MAPK10: variants seen among roughly 807,000 people sequenced by gnomAD.
MAPK10 encodes mitogen-activated protein kinase 10, also known as JNK3 alpha protein kinase.
A neutral mutation model predicts 59.3 loss-of-function variants in MAPK10; 25 were observed. The observed-to-expected ratio is 0.42, with a 90% confidence interval of 0.31 to 0.59. The LOEUF (loss-of-function observed/expected upper bound fraction) is 0.59. Ranked by LOEUF, MAPK10 falls within the 20% of genes least tolerant of loss-of-function variation. The pLI is 0.15. For synonymous variants in MAPK10, 190 were observed against 200.5 expected, an observed-to-expected ratio of 0.95 and a Z score of 0.44; for missense variants, 351 against 568.9, an observed-to-expected ratio of 0.62 and a Z score of 3.90.
intron 2 of MAPK10, among the ~76,000 whole-genome samples, chr4:86,291,972 T>C (rs1249829587): frequency 1.3e-5 from 2 of 152,186 alleles, no homozygotes; most frequent in Non-Finnish European, 2.9e-5. Context: ...AAAGGACCAT[T>C]ACATTGGACT....
chr4:86,264,069 G>T (rs1009337529), intron 2 of MAPK10, among the ~76,000 whole-genome samples: 1 of 152,038 alleles, frequency 6.6e-6, no homozygotes, highest in Non-Finnish European at 1.5e-5. Context: ...TAGTTACTGC[G>T]AATATAAAGA....
chr4:86,492,418 C>A (rs185919729), intron 1 of MAPK10, among the ~76,000 whole-genome samples: 1 of 152,260 alleles, frequency 6.6e-6, no homozygotes, highest in Admixed American at 6.5e-5. Context: ...ATTCTTCTTG[C>A]CAAATAAAAA....
At chr4:86,287,122 G>T (rs146539147) in intron 2 of MAPK10, among the ~76,000 whole-genome samples, 2 of 152,184 alleles carry the variant, frequency 1.3e-5, no homozygotes, top group East Asian at 3.9e-4. Flanking sequence ...TTACCCAGCC[G>T]GGTAAGGAAA....
chr4:86,423,197 T>A (rs1746764107), intron 1 of MAPK10, among the ~76,000 whole-genome samples: 1 of 152,154 alleles, frequency 6.6e-6, no homozygotes, highest in African/African-American at 2.4e-5. Flanking sequence ...GATAGCAGCA[T>A]TCTAAGAATT....
At chr4:86,176,111 C>T (rs966098039) in intron 3 of MAPK10, 2 of 152,160 alleles carry the variant, frequency 1.3e-5, no homozygotes. Context: ...TATCATGCAT[C>T]ATACTTTCAA....
chr4:86,406,679 G>C (rs575886617), intron 1 of MAPK10, among the ~76,000 whole-genome samples: 2 of 152,288 alleles, frequency 1.3e-5, no homozygotes, highest in East Asian at 3.9e-4. Flanking sequence ...GGTTCAAGAG[G>C]CCAGAGAGCC....
At chr4:86,368,099 C>T (rs563270045) in intron 1 of MAPK10, among the ~76,000 whole-genome samples, 3 of 152,104 alleles carry the variant, frequency 2.0e-5, no homozygotes, top group Non-Finnish European at 4.4e-5. Context: ...GGCAATGCTG[C>T]GAATTTAAAA....
chr4:86,136,361 A>T (rs1349922349), intron 4 of MAPK10, among the ~76,000 whole-genome samples: 1 of 152,218 alleles, frequency 6.6e-6, no homozygotes, highest in East Asian at 1.9e-4. Flanking sequence ...ACAAGCCAGA[A>T]GAGAGTGGGG....
At chr4:86,421,894 T>G (rs1019999003) in intron 1 of MAPK10, among the ~76,000 whole-genome samples, 1 of 152,170 alleles carries the variant, frequency 6.6e-6, no homozygotes, top group Non-Finnish European at 1.5e-5. Context: ...ATCTGGTTTT[T>G]GTTCCCATCA....
chr4:86,573,266 G>C (rs1259383683), intron 1 of MAPK10, among the ~76,000 whole-genome samples: 2 of 152,068 alleles, frequency 1.3e-5, no homozygotes, highest in Admixed American at 1.3e-4. Flanking sequence ...TTCACATTTT[G>C]ATCTATGTAC....
intron 4 of MAPK10, among the ~76,000 whole-genome samples, chr4:86,121,833 T>G (rs2059305671): frequency 6.6e-6 from 1 of 152,160 alleles, no homozygotes; most frequent in Non-Finnish European, 1.5e-5. Context: ...CCTGTCAAAC[T>G]GTCTAATTTT....
chr4:86,295,044 G>T (rs765461760), intron 2 of MAPK10, among the ~76,000 whole-genome samples: 32 of 152,248 alleles, frequency 2.1e-4, no homozygotes, highest in Non-Finnish European at 4.3e-4. Context: ...GCTAAATAAG[G>T]CCTACATCAA....
At chr4:86,438,017 T>A (rs1399630680) in intron 1 of MAPK10, among the ~76,000 whole-genome samples, 1 of 152,228 alleles carries the variant, frequency 6.6e-6, no homozygotes, top group Non-Finnish European at 1.5e-5. Context: ...TGATGCCACT[T>A]ATATAAAGTT....
At chr4:86,233,488 T>TGA (rs2091868228) in intron 2 of MAPK10, among the ~76,000 whole-genome samples, 1 of 151,980 alleles carries the variant, frequency 6.6e-6, no homozygotes, top group African/African-American at 2.4e-5. Flanking sequence ...GGCATTAACC[T>TGA]CCCTCCCCCA....
At chr4:86,159,737 C>T (rs1186512257) in intron 3 of MAPK10, among the ~76,000 whole-genome samples, 1 of 151,916 alleles carries the variant, frequency 6.6e-6, no homozygotes, top group Non-Finnish European at 1.5e-5. Context: ...ATAATCTTTT[C>T]TAAAGTATCT....
chr4:86,404,971 T>C (rs1337465831), intron 1 of MAPK10, among the ~76,000 whole-genome samples: 1 of 152,234 alleles, frequency 6.6e-6, no homozygotes, highest in African/African-American at 2.4e-5. Flanking sequence ...CTTCACAGAA[T>C]GATTTACATA....
At chr4:86,508,900 T>C (rs1248849977) in intron 1 of MAPK10, among the ~76,000 whole-genome samples, 4 of 152,212 alleles carry the variant, frequency 2.6e-5, no homozygotes, top group East Asian at 3.8e-4. Flanking sequence ...GCTGGCTACA[T>C]GGCTTTTCCT....
upstream of MAPK10, among the ~76,000 whole-genome samples, chr4:86,363,924 A>T (rs1354024948): frequency 6.6e-6 from 1 of 151,918 alleles, no homozygotes; most frequent in Non-Finnish European, 1.5e-5. Flanking sequence ...CTGAGACTAC[A>T]GGTGCCTGCC....
intron 1 of MAPK10, among the ~76,000 whole-genome samples, chr4:86,380,934 G>T (rs996558221): frequency 6.6e-6 from 1 of 151,098 alleles, no homozygotes. Flanking sequence ...CTGAGAGACC[G>T]AAGCAGAGCT....
Sources: gnomAD v4.1 joint callset for allele counts (sites outside exome capture counted in the v4.1 genomes callset) on GRCh38, gnomAD v4.1.1 for gene constraint, MANE v1.5 for transcripts, NCBI Gene and HGNC (gene_info 2026-07-23, HGNC 2026-07-21) for gene names.